Variants in PTPRD observed in about 807,000 individuals in gnomAD.
The protein encoded by PTPRD is protein tyrosine phosphatase receptor type D.
Under a neutral mutation model 214.5 loss-of-function variants are expected in PTPRD, and 34 were observed. That is an observed-to-expected ratio of 0.16 (90% CI 0.12 to 0.21). The LOEUF (loss-of-function observed/expected upper bound fraction) is 0.21. Among genes scored for constraint, PTPRD ranks in the 10% least tolerant of loss-of-function variants. The pLI is 1.00. For synonymous variants in PTPRD, 1,128 were observed against 845.7 expected, an observed-to-expected ratio of 1.33 and a Z score of -5.79; for missense variants, 2,545 against 2,398.7, an observed-to-expected ratio of 1.06 and a Z score of -1.27.
intron 8 of PTPRD, among the ~76,000 whole-genome samples, chr9:9,425,757 T>G (rs1035725431): frequency 5.9e-5 from 9 of 152,182 alleles, no homozygotes; most frequent in African/African-American, 1.9e-4. Flanking sequence ...TCAATTACAT[T>G]TGGTTAGGAA....
At position 10,554,716 on chromosome 9, in the gene PTPRD, A is replaced by G. The variant is rs372788318; in HGVS notation, c.-600+57682T>C. Among the ~76,000 whole-genome samples the G allele has an allele frequency of 5.3e-5, 8 of 152,048 alleles. No individual in the cohort carries two copies. In the East Asian group the frequency reaches 7.7e-4, roughly 15 times the overall value. ...CGCTTTGTCGCTCAGACTGGACTGC[A>G]GTGGCACCATCTTGGCTCCCTGCAA... On this transcript the variant is annotated intron_variant, in intron 2 of 45. Transcript: ENST00000381196.
rs985218104 is a variant in PTPRD, at chr9:8,485,995, G to A, written c.2822C>T (p.Pro941Leu). The change falls in exon 28 of 46, where the codon CCA becomes CTA. Residue 941 changes from proline (P) to leucine (L), a missense_variant. Pro to Leu is a moderately conservative substitution (Grantham distance 98). Coordinates refer to ENST00000381196, the MANE Select transcript of PTPRD (RefSeq NM_002839.4). ...TSTSVQLSWQ[P>L]PVLAERNGII... is the part of the protein sequence containing the mutation. ...GCCATTTCTCTCTGCCAGGACAGGT[G>A]GTTGCCAAGATAACTGGACGGAGGT... 5 of 1,614,138 alleles carry A rather than the reference G, an allele frequency of 3.1e-6. No homozygotes were observed. Among genetic ancestry groups the A allele is most frequent in the African/African-American group, 1.3e-5 (1 of 75,008 alleles).
In PTPRD at chr9:10,475,301, G is replaced by T. The variant is rs566135039; in HGVS notation, c.-599-134284C>A. On this transcript the variant is annotated intron_variant, in intron 2 of 45. Coordinates refer to ENST00000381196, the MANE Select transcript of PTPRD (RefSeq NM_002839.4). The stretch of plus-strand genomic sequence containing the variant: ...AGACACAATAAAAAATGATAAAGGG[G>T]ATATCACCACTGATTCCACAGAAAT... Among the ~76,000 whole-genome samples, 3 of 152,018 alleles carry T rather than the reference G, an allele frequency of 2.0e-5. No homozygotes were observed. In the South Asian group the frequency reaches 6.2e-4, roughly 32 times the overall value.
rs571406943 is a variant in PTPRD, at chr9:8,774,011, C to T, written c.-103-40065G>A. 9.2e-5 allele frequency among the ~76,000 whole-genome samples: 14 copies of T among 152,226 alleles called. 1 individual carries two copies. In the South Asian group the frequency reaches 1.9e-3, roughly 20 times the overall value. ...AAGAGTTAGGCAGCCCTCCTCAACG[C>T]GCAAAGGAGCCATCTATTATCCAAT... On this transcript the variant is annotated intron_variant, in intron 11 of 45. Coordinates refer to ENST00000381196, the MANE Select transcript of PTPRD (RefSeq NM_002839.4).
At chr9:9,513,000 A>G (rs2096745695) in intron 8 of PTPRD, among the ~76,000 whole-genome samples, 1 of 151,952 alleles carries the variant, frequency 6.6e-6, no homozygotes, top group African/African-American at 2.4e-5. Flanking sequence ...GCAAATAAAA[A>G]TCTTTCTTTT....
chr9:9,320,637 G>T (rs1273777014), intron 9 of PTPRD, among the ~76,000 whole-genome samples: 2 of 152,050 alleles, frequency 1.3e-5, no homozygotes, highest in East Asian at 3.9e-4. Context: ...CCTGGATTGA[G>T]TAGACCTTTC....
At chr9:9,226,535 G>C (rs1394802715) in intron 9 of PTPRD, among the ~76,000 whole-genome samples, 1 of 151,808 alleles carries the variant, frequency 6.6e-6, no homozygotes, top group Non-Finnish European at 1.5e-5. Context: ...AGGGGTAATT[G>C]AATAAAAATG....
chr9:10,587,332 A>T (rs2074186467), intron 2 of PTPRD, among the ~76,000 whole-genome samples: 1 of 152,116 alleles, frequency 6.6e-6, no homozygotes, highest in Non-Finnish European at 1.5e-5. Flanking sequence ...AAATTCATTA[A>T]CAAGTTCAAT....
intron 9 of PTPRD, among the ~76,000 whole-genome samples, chr9:9,247,735 G>C (rs2099973724): frequency 6.6e-6 from 1 of 151,934 alleles, no homozygotes. Context: ...CACAATAGTA[G>C]TTCTCCATCT....
intron 2 of PTPRD, among the ~76,000 whole-genome samples, chr9:10,455,105 A>G (rs2098898770): frequency 6.6e-6 from 1 of 151,720 alleles, no homozygotes; most frequent in Non-Finnish European, 1.5e-5. Flanking sequence ...GTCTCCCCAC[A>G]TTTTAAGAAA....
chr9:9,998,487 C>T (rs1184986765), intron 4 of PTPRD, among the ~76,000 whole-genome samples: 1 of 151,936 alleles, frequency 6.6e-6, no homozygotes, highest in Non-Finnish European at 1.5e-5. Context: ...TCAAGAAAAA[C>T]TCTAATCCAA....
chr9:8,596,470 T>C (rs568994256), intron 14 of PTPRD, among the ~76,000 whole-genome samples: 1 of 152,124 alleles, frequency 6.6e-6, no homozygotes, highest in African/African-American at 2.4e-5. Context: ...TTTATGAACT[T>C]AGAATAAGCA....
At chr9:9,005,896 G>T (rs2099462081) in intron 11 of PTPRD, among the ~76,000 whole-genome samples, 2 of 151,938 alleles carry the variant, frequency 1.3e-5, no homozygotes, top group African/African-American at 2.4e-5. Flanking sequence ...TATAGGACTT[G>T]CTATAGAAAA....
At chr9:10,164,050 G>C (rs2154291461) in intron 3 of PTPRD, among the ~76,000 whole-genome samples, 1 of 151,564 alleles carries the variant, frequency 6.6e-6, no homozygotes, top group South Asian at 2.1e-4. Context: ...GCACAGGATA[G>C]AAGAATATCA....
rs114104868 is a variant in PTPRD, at chr9:9,860,965, T to C, written c.-368+77542A>G. Among the ~76,000 whole-genome samples the C allele has an allele frequency of 2.7e-3, 408 of 152,336 alleles. 1 individual carries two copies. The highest frequency in any genetic ancestry group is 9.5e-3 in the African/African-American group (393 of 41,574). On this transcript the variant is annotated intron_variant, in intron 5 of 45. Transcript: ENST00000381196. ...TTGGGAAAAAGCTAAAATTGTGTAT[T>C]GGATTATTAAAAAATAACAGAACTG...
At chr9:8,693,279 ATCT>A (rs1796594963) in intron 12 of PTPRD, among the ~76,000 whole-genome samples, 1 of 152,150 alleles carries the variant, frequency 6.6e-6, no homozygotes, top group Non-Finnish European at 1.5e-5. Context: ...GGAACACCTC[ATCT>A]TCTTGTCTCC....
intron 10 of PTPRD, among the ~76,000 whole-genome samples, chr9:9,088,517 T>G (rs1226499269): frequency 7.3e-6 from 1 of 137,916 alleles, no homozygotes; most frequent in African/African-American, 2.8e-5. Flanking sequence ...GAGGTCGGGG[T>G]TGCAGTGAGC....
chr9:8,674,968 AG>A (rs1294295143), intron 12 of PTPRD, among the ~76,000 whole-genome samples: 1 of 152,208 alleles, frequency 6.6e-6, no homozygotes, highest in African/African-American at 2.4e-5. Context: ...GAATTTTAAA[AG>A]CCTTGTAAAT....
chr9:9,019,732 T>A (rs1188578786), intron 10 of PTPRD, among the ~76,000 whole-genome samples: 5 of 152,128 alleles, frequency 3.3e-5, no homozygotes, highest in Non-Finnish European at 5.9e-5. Context: ...CATGGAAGTT[T>A]ATTATTAATA....
Sources: allele counts gnomAD v4.1 joint callset (sites outside exome capture counted in the v4.1 genomes callset), GRCh38; gene constraint gnomAD v4.1.1; transcripts MANE v1.5; gene names NCBI Gene and HGNC (gene_info 2026-07-23, HGNC 2026-07-21).